The following HGF variants were observed in gnomAD, a reference collection of about 807,000 sequenced individuals.
The protein encoded by HGF is fibroblast-derived tumor cytotoxic factor.
In HGF, 39 loss-of-function variants were observed where a neutral mutation model predicts 111.6. The ratio of observed to expected loss-of-function variants is 0.35; its 90% CI spans 0.27 to 0.46. HGF has a LOEUF of 0.46. HGF is among the 20% of genes least tolerant of loss of function. The pLI is 1.00. For synonymous variants in HGF, 285 were observed against 294.8 expected (o/e 0.97, Z 0.34); for missense variants, 735 against 910.5 (o/e 0.81, Z 2.48).
chr7:81,716,627 T>C (rs1271605740), intron 11 of HGF, among the ~76,000 whole-genome samples: 1 of 152,186 alleles, frequency 6.6e-6, no homozygotes, highest in Non-Finnish European at 1.5e-5. Flanking sequence ...CTTTTTAATA[T>C]GAATTATACC....
intron 8 of HGF, 36 bp from the exon 9 acceptor site, chr7:81,726,053 A>C: frequency 1.9e-6 from 3 of 1,610,460 alleles, no homozygotes; most frequent in Non-Finnish European, 2.5e-6. Flanking sequence ...AAATTGCCGG[A>C]GTTCTTACGT....
At chr7:81,739,504 C>G (rs1787936617) in intron 7 of HGF, among the ~76,000 whole-genome samples, 1 of 152,036 alleles carries the variant, frequency 6.6e-6, no homozygotes, top group Non-Finnish European at 1.5e-5. Flanking sequence ...AAATTATAAA[C>G]AGCATGAATA....
At chr7:81,744,950 A>G in intron 6 of HGF, 50 bp downstream of exon 6, 1 of 1,592,426 alleles carries the variant, frequency 6.3e-7, no homozygotes, top group Non-Finnish European at 8.6e-7. Flanking sequence ...CATAGAGTGA[A>G]TAATAGTTTG....
rs11378661 is a variant in HGF, at chr7:81,750,818, G to GTTTTT, written c.625+1297_625+1301dup. On this transcript the variant is annotated intron_variant, in intron 5 of 17. Transcript: ENST00000222390. ...TAGGAGAGATTCCCCTAAAAGTAGG[G>GTTTTT]TTTTTTTTCTTCCATGTGCAAGTTT... 4.3e-5 allele frequency: 13 copies of GTTTTT among 301,252 alleles called. No individual in the cohort carries two copies. The South Asian group carries it at 1.7e-3, about 40-fold the overall frequency. The allele number at this position is 301,252 out of a possible 1,614,324, so 18.7% of individuals were successfully genotyped here.
chr7:81,748,347 T>C lies in HGF; in HGVS notation c.626-3227A>G, dbSNP rs75932682. On this transcript the variant is annotated intron_variant, in intron 5 of 17. Coordinates refer to ENST00000222390, the MANE Select transcript of HGF (RefSeq NM_000601.6). Reference sequence around the variant, plus strand: ...ATTGCAGGGAAAGTGCATGGGAATGTAACTAGATTGGACACCTTATCCAAA... The same window carrying C: ...ATTGCAGGGAAAGTGCATGGGAATGCAACTAGATTGGACACCTTATCCAAA... Among the ~76,000 whole-genome samples, 1,377 of 152,314 alleles carry C rather than the reference T, an allele frequency of 9.0e-3. 19 individuals are homozygous for C. The highest frequency in any genetic ancestry group is 0.03 in the African/African-American group (1,243 of 41,562).
chr7:81,711,485 T>A lies in HGF; in HGVS notation c.1440A>T (p.Leu480Phe). Residue 480 changes from leucine (L) to phenylalanine (F), a missense_variant, in exon 12 of 18, where the codon TTA becomes TTT. This residue lies in a region of HGF where 553 missense variants were observed against 685.6 expected (regional missense o/e 0.81). Coordinates refer to ENST00000222390, the MANE Select transcript of HGF (RefSeq NM_000601.6). ...ATATTGTGAAATATTACTTACGGTC[T>A]AAATTGACTATTGTAGGTGTGGTAT... ...EGDTTPTIVN[L>F]DHPVISCAKT... The A allele has an allele frequency of 6.8e-7, 1 of 1,462,794 alleles. No individual in the cohort carries two copies. Among genetic ancestry groups the A allele is most frequent in the Non-Finnish European group, 9.5e-7 (1 of 1,053,250 alleles). The allele number at this position is 1,462,794 out of a possible 1,614,324, so 90.6% of individuals were successfully genotyped here.
intron 11 of HGF, among the ~76,000 whole-genome samples, chr7:81,713,656 G>A (rs1225246290): frequency 6.6e-6 from 1 of 151,988 alleles, no homozygotes; most frequent in African/African-American, 2.4e-5. Flanking sequence ...ACTGAAATAC[G>A]TTTTAAAATT....
chr7:81,717,597 T>C (rs867665590), intron 10 of HGF, among the ~76,000 whole-genome samples: 7 of 152,114 alleles, frequency 4.6e-5, no homozygotes, highest in South Asian at 2.1e-4. Flanking sequence ...GGCTCCATAA[T>C]TGGCATATTA....
rs747158538 is a variant in HGF at position 81,705,511 on chromosome 7, C to T, written c.1889G>A (p.Arg630Gln). The T allele has an allele frequency of 7.4e-6, 12 of 1,612,434 alleles. No individual in the cohort carries two copies. In the South Asian group the frequency reaches 8.8e-5, roughly 12 times the overall value. Reference protein sequence around the residue: ...TGLINYDGLLRVAHLYIMGNE... With the variant: ...TGLINYDGLLQVAHLYIMGNE... The stretch of plus-strand genomic sequence containing the variant: ...TCCCATTATATAGAGATGTGCCACT[C>T]GTAATAGGCCATCATAGTTGATCAC... Residue 630 changes from arginine to glutamine, a missense_variant, in exon 17 of 18, where the codon CGA becomes CAA. Physicochemically the swap from Arg to Gln is conservative, Grantham distance 43 (BLOSUM62 1). This residue lies in a region of HGF where 130 missense variants were observed against 129.9 expected (regional missense o/e 1.00). Transcript: ENST00000222390.
chr7:81,714,952 A>T (rs1475832474), intron 11 of HGF, among the ~76,000 whole-genome samples: 1 of 152,158 alleles, frequency 6.6e-6, no homozygotes, highest in Non-Finnish European at 1.5e-5. Flanking sequence ...ATTTATCTGC[A>T]ATAGTATTTA....
In HGF at chr7:81,734,425, T is replaced by C. The variant is rs1462265046; in HGVS notation, c.866-4646A>G. Reference sequence around the variant, plus strand: ...GAAATTTTTCACTGTCCTGTTTGAATATGAACAAATACAATGCATGCCTCT... The same window carrying C: ...GAAATTTTTCACTGTCCTGTTTGAACATGAACAAATACAATGCATGCCTCT... On this transcript the variant is annotated intron_variant, in intron 7 of 17. Coordinates refer to ENST00000222390, the MANE Select transcript of HGF (RefSeq NM_000601.6). 2.0e-5 allele frequency among the ~76,000 whole-genome samples: 3 copies of C among 152,188 alleles called. No homozygotes were observed. The East Asian group carries it at 5.8e-4, about 29-fold the overall frequency.
At chr7:81,769,803 G>A (rs1275409871) in intron 1 of HGF, 81 bp downstream of exon 1, 1 of 1,015,940 alleles carries the variant, frequency 9.8e-7, no homozygotes. Flanking sequence ...AGGGTAAAAA[G>A]AGGGTGTTAA....
At position 81,714,166 on chromosome 7, in the gene HGF, C is replaced by T. The variant is rs759751310; in HGVS notation, c.1406-2647G>A. Among the ~76,000 whole-genome samples, 26 of 152,032 alleles carry T rather than the reference C, an allele frequency of 1.7e-4. 1 individual carries two copies. Among genetic ancestry groups the T allele is most frequent in the Admixed American group, 1.3e-4 (2 of 15,252 alleles). ...CCATGAAGAAATCGATGTTCACATT[C>T]TCATTTTATATATTGTTAATATATA... On this transcript the variant is annotated intron_variant, in intron 11 of 17. Transcript: ENST00000222390.
intron 11 of HGF, 86 bp downstream of exon 11, chr7:81,717,142 TGCCA>T (rs1789733333): frequency 1.3e-5 from 17 of 1,329,896 alleles, no homozygotes; most frequent in African/African-American, 2.9e-5. Context: ...TGGGAATAAA[TGCCA>T]GACCACCTAT....
intron 17 of HGF, among the ~76,000 whole-genome samples, chr7:81,703,046 C>T (rs1425417895): frequency 6.6e-6 from 1 of 151,564 alleles, no homozygotes; most frequent in African/African-American, 2.4e-5. Context: ...TGTGCTTTGC[C>T]TTTGTTGGAT....
intron 3 of HGF, among the ~76,000 whole-genome samples, chr7:81,758,429 C>T (rs901237749): frequency 6.6e-6 from 1 of 151,496 alleles, no homozygotes; most frequent in African/African-American, 2.4e-5. Context: ...CTAGGAGATG[C>T]TCCAAAAAAA....
intron 9 of HGF, among the ~76,000 whole-genome samples, chr7:81,723,372 G>A (rs1480009986): frequency 6.6e-6 from 1 of 151,966 alleles, no homozygotes; most frequent in Non-Finnish European, 1.5e-5. Context: ...TGAAAATAAA[G>A]ACAGAAATAT....
At chr7:81,750,846 G>T in intron 5 of HGF, 1 of 548,224 alleles carries the variant, frequency 1.8e-6, no homozygotes, top group South Asian at 8.2e-5. Flanking sequence ...GCAAGTTTAA[G>T]ACAAATATTA....
chr7:81,706,151 A>G (rs1328314269), intron 15 of HGF, 136 bp downstream of exon 15: 1 of 785,386 alleles, frequency 1.3e-6, no homozygotes, highest in Non-Finnish European at 2.2e-6. Flanking sequence ...GCACGCATAT[A>G]TACATATATA....
Sources: allele counts gnomAD v4.1 joint callset (sites outside exome capture counted in the v4.1 genomes callset), GRCh38; gene constraint gnomAD v4.1.1; regional missense constraint gnomAD v4.1.1; transcripts MANE v1.5; gene names NCBI Gene and HGNC (gene_info 2026-07-23, HGNC 2026-07-21).